Variants in ZFHX3 observed in about 807,000 individuals in gnomAD.
ZFHX3 encodes zinc finger homeobox protein 3.
ZFHX3 carries 42 observed loss-of-function variants against 279.1 expected under a neutral mutation model. That is an observed-to-expected ratio of 0.15 (90% CI 0.12 to 0.19). The LOEUF (loss-of-function observed/expected upper bound fraction) is 0.19, where lower values mean the gene tolerates loss of function less well. ZFHX3 is among the 10% of genes least tolerant of loss of function. The pLI, the probability that ZFHX3 is intolerant of heterozygous loss-of-function variation, is 1.00. For missense variants in ZFHX3, 4,981 were observed against 4,754.0 expected (o/e 1.05, Z -1.40); for synonymous variants, 2,293 against 1,957.8 (o/e 1.17, Z -4.52).
At chr16:73,688,692 T>C (rs1224400160) in intron 1 of ZFHX3, among the ~76,000 whole-genome samples, 3 of 152,200 alleles carry the variant, frequency 2.0e-5, no homozygotes, top group Admixed American at 6.5e-5. Flanking sequence ...AGCCCTGATA[T>C]GGTTTGGCTG....
rs934646372 is a variant in ZFHX3, at chr16:73,070,924, G to C, written c.-532-11912C>G. Among the ~76,000 whole-genome samples the C allele has an allele frequency of 2.8e-4, 9 of 31,910 alleles. 2 individuals carry two copies. 20.9% of individuals were successfully genotyped at this position (31,910 alleles called of 152,430 possible). A position where few individuals can be genotyped will look rare whatever the true frequency, so the allele number is the denominator to read the frequency against. On this transcript the variant is annotated intron_variant, in intron 8 of 17. Transcript: ENST00000641206. ...GGTTCCTAGACCGTCTTGCGCGCGC[G>C]CGCGCGCGCGCGCGCACACACACAC... is the stretch of plus-strand genomic sequence containing the variant.
intron 5 of ZFHX3, chr16:73,144,386 A>C (rs968659130): frequency 4.6e-5 from 7 of 152,242 alleles, no homozygotes; most frequent in African/African-American, 1.7e-4. Context: ...CTATCCATCA[A>C]GTCTAAGGAA....
At chr16:73,185,631 C>T (rs538723135) in intron 5 of ZFHX3, among the ~76,000 whole-genome samples, 2 of 151,988 alleles carry the variant, frequency 1.3e-5, no homozygotes, top group African/African-American at 4.8e-5. Context: ...AAAACTGACT[C>T]CCAGTTAAAT....
At chr16:72,834,617 A>T (rs938863783) in intron 4 of ZFHX3, among the ~76,000 whole-genome samples, 5 of 152,198 alleles carry the variant, frequency 3.3e-5, no homozygotes, top group South Asian at 2.1e-4. Context: ...GGAGGAGAGC[A>T]TGCCAACTGG....
intron 4 of ZFHX3, among the ~76,000 whole-genome samples, chr16:73,274,263 G>C (rs1402320183): frequency 1.3e-5 from 2 of 152,170 alleles, no homozygotes; most frequent in Non-Finnish European, 2.9e-5. Context: ...TCAAACTTTT[G>C]CATTTTTTCC....
intron 1 of ZFHX3, among the ~76,000 whole-genome samples, chr16:73,687,381 T>A (rs1320083061): frequency 2.0e-5 from 3 of 147,972 alleles, no homozygotes; most frequent in African/African-American, 5.0e-5. Context: ...AGACCCTGTC[T>A]CAAAAAAAAA....
intron 5 of ZFHX3, among the ~76,000 whole-genome samples, chr16:73,230,322 C>T (rs1304959262): frequency 1.3e-5 from 2 of 152,148 alleles, no homozygotes; most frequent in South Asian, 2.1e-4. Context: ...AATGACATTT[C>T]TTTTCATGGA....
intron 4 of ZFHX3, among the ~76,000 whole-genome samples, chr16:72,875,058 A>G (rs145850546): frequency 1.3e-5 from 2 of 152,330 alleles, no homozygotes; most frequent in Non-Finnish European, 2.9e-5. Context: ...TGCTCCCATC[A>G]AGAAGCTCAC....
At chr16:73,621,172 C>G (rs905421207) in intron 2 of ZFHX3, among the ~76,000 whole-genome samples, 5 of 152,182 alleles carry the variant, frequency 3.3e-5, no homozygotes, top group Non-Finnish European at 7.3e-5. Flanking sequence ...CCACTGTATC[C>G]TGAGTCTTTA....
intron 5 of ZFHX3, among the ~76,000 whole-genome samples, chr16:72,819,527 G>GT (rs565230870): frequency 3.9e-4 from 59 of 152,308 alleles, no homozygotes; most frequent in Non-Finnish European, 6.2e-4. Flanking sequence ...TACATTTCCA[G>GT]TAAGTTCCCA....
chr16:73,784,257 T>A (rs1018977131), intron 1 of ZFHX3, among the ~76,000 whole-genome samples: 9 of 151,984 alleles, frequency 5.9e-5, no homozygotes, highest in Non-Finnish European at 1.3e-4. Context: ...AGAGATAACA[T>A]CTCAGGATGG....
intron 3 of ZFHX3, among the ~76,000 whole-genome samples, chr16:72,941,612 A>C (rs1960412807): frequency 6.6e-6 from 1 of 152,152 alleles, no homozygotes; most frequent in South Asian, 2.1e-4. Context: ...TGAGCCCAGG[A>C]GTTTGAGACC....
At position 72,950,454 on chromosome 16, in the gene ZFHX3, G is replaced by C; in HGVS notation, c.3216+15C>G. 1 of 1,606,934 alleles carries C rather than the reference G, an allele frequency of 6.2e-7. No individual in the cohort carries two copies. The highest frequency in any genetic ancestry group is 8.5e-7 in the Non-Finnish European group (1 of 1,174,268). On this transcript the variant is annotated intron_variant, in intron 3 of 9. Transcript: ENST00000268489. ...TTCAGAAAGAGCGCCTGAGCCATAA[G>C]GAGCTGGGCCTTACCTTGTACAACT...
In ZFHX3 at chr16:73,536,935, T is replaced by TA. The variant is rs796480008; in HGVS notation, c.-1546-80678dup. Among the ~76,000 whole-genome samples, 462 of 151,386 alleles carry TA rather than the reference T, an allele frequency of 3.1e-3. 5 individuals carry two copies. Among genetic ancestry groups the TA allele is most frequent in the African/African-American group, 0.01 (415 of 41,262 alleles). On this transcript the variant is annotated intron_variant, in intron 2 of 17. Transcript: ENST00000641206. ...AGGTTAATTCAATGACATTCTTTATTAAAAAAAAAGAAAGAAAGAAACTCA... is the reference window on the plus strand; with the variant it reads ...AGGTTAATTCAATGACATTCTTTATTAAAAAAAAAAGAAAGAAAGAAACTCA...
At chr16:73,034,659 G>T (rs1361412926) in intron 1 of ZFHX3, among the ~76,000 whole-genome samples, 3 of 152,220 alleles carry the variant, frequency 2.0e-5, no homozygotes, top group African/African-American at 7.2e-5. Context: ...GAAGCAGTAA[G>T]TCTGTTGTAA....
At chr16:73,601,064 G>A (rs1196320136) in intron 2 of ZFHX3, among the ~76,000 whole-genome samples, 2 of 151,940 alleles carry the variant, frequency 1.3e-5, no homozygotes, top group African/African-American at 4.8e-5. Flanking sequence ...TTTCCAGTCT[G>A]GCTTTGAAGT....
At chr16:73,188,457 G>C (rs757614961) in intron 5 of ZFHX3, among the ~76,000 whole-genome samples, 7 of 152,198 alleles carry the variant, frequency 4.6e-5, no homozygotes, top group Non-Finnish European at 8.8e-5. Context: ...TTGTCCTCTC[G>C]AGCTGATGAG....
intron 2 of ZFHX3, among the ~76,000 whole-genome samples, chr16:73,460,902 C>T (rs1226515666): frequency 6.6e-6 from 1 of 152,182 alleles, no homozygotes; most frequent in Non-Finnish European, 1.5e-5. Flanking sequence ...TTGTAAGTTT[C>T]CTGAGGCCTC....
chr16:73,563,170 T>TTGTGTG lies in ZFHX3; in HGVS notation c.-1546-106918_-1546-106913dup, dbSNP rs200933190. 4.1e-3 allele frequency among the ~76,000 whole-genome samples: 547 copies of TTGTGTG among 134,888 alleles called. 4 individuals are homozygous for TTGTGTG. Among genetic ancestry groups the TTGTGTG allele is most frequent in the East Asian group, 9.4e-3 (38 of 4,060 alleles). 88.5% of individuals were successfully genotyped at this position (134,888 alleles called of 152,430 possible). On this transcript the variant is annotated intron_variant, in intron 2 of 17. Coordinates refer to the ZFHX3 transcript ENST00000641206. Reference sequence around the variant, plus strand: ...GTCTTTTTTTGTTTTTTTTGTTTTGTTGTGTGTGTGTGTGTGTGTGTGTGT... The same window carrying TTGTGTG: ...GTCTTTTTTTGTTTTTTTTGTTTTGTTGTGTGTGTGTGTGTGTGTGTGTGTGTGTGT...
Sources: gnomAD v4.1 joint callset for allele counts (sites outside exome capture counted in the v4.1 genomes callset) on GRCh38, gnomAD v4.1.1 for gene constraint, MANE v1.5 for transcripts, NCBI Gene and HGNC (gene_info 2026-07-23, HGNC 2026-07-21) for gene names.